Variants in TTC13 observed in about 807,000 individuals in gnomAD.
The protein encoded by TTC13 is tetratricopeptide repeat protein 13.
Under a neutral mutation model 120.0 loss-of-function variants are expected in TTC13, and 62 were observed. That is an observed-to-expected ratio of 0.52 (90% confidence interval 0.42 to 0.64). The LOEUF is 0.64. Ranked by LOEUF, TTC13 falls within the 30% of genes least tolerant of loss-of-function variation. TTC13 has a pLI of 0.00. For synonymous variants in TTC13, 384 were observed against 393.5 expected (o/e 0.98, Z 0.28); for missense variants, 824 against 1,050.2 (o/e 0.78, Z 2.98).
intron 18 of TTC13, among the ~76,000 whole-genome samples, chr1:230,914,044 GC>G (rs1273175848): frequency 6.6e-6 from 1 of 152,196 alleles, no homozygotes; most frequent in Non-Finnish European, 1.5e-5. Flanking sequence ...TTGGTGAAGT[GC>G]TGGTGAAGCA....
At position 230,937,570 on chromosome 1, in the gene TTC13, G is replaced by A. The variant is rs556473847; in HGVS notation, c.900+1816C>T. 4.6e-5 allele frequency among the ~76,000 whole-genome samples: 7 copies of A among 152,328 alleles called. No homozygotes were observed. In the East Asian group the frequency reaches 9.6e-4, roughly 21 times the overall value. On this transcript the variant is annotated intron_variant, in intron 8 of 22. Transcript: ENST00000366661. ...TCTCAAAGCCTGCGGCTGCCAGTCT[G>A]AATCCTGAGGGGAGAGAGAGGTCTT... is the stretch of plus-strand genomic sequence containing the variant.
At chr1:230,911,683 T>C (rs1671524374) in intron 19 of TTC13, 134 bp from the exon 20 acceptor site, 2 of 551,020 alleles carry the variant, frequency 3.6e-6, no homozygotes, top group Non-Finnish European at 6.1e-6. Context: ...GAATCTACTT[T>C]TCAAATTCTT....
rs1301425235 is a variant in TTC13 at position 230,942,233 on chromosome 1, T to C, written c.672+1573A>G. On this transcript the variant is annotated intron_variant, in intron 6 of 22. Coordinates refer to ENST00000366661, the MANE Select transcript of TTC13 (RefSeq NM_024525.5). This position sits in a 1 kb window ranked among gnomAD's most constrained non-coding sequence, Gnocchi z 4.0. ...GATTTTAACATAAACCAGAGTAATA[T>C]AGGGGAAAAAACATCAGTCCCCCCT... 2.0e-5 allele frequency among the ~76,000 whole-genome samples: 3 copies of C among 152,166 alleles called. No homozygotes were observed. Among genetic ancestry groups the C allele is most frequent in the African/African-American group, 4.8e-5 (2 of 41,450 alleles).
intron 12 of TTC13, among the ~76,000 whole-genome samples, chr1:230,926,829 C>T (rs1673094740): frequency 6.6e-6 from 1 of 152,182 alleles, no homozygotes; most frequent in Non-Finnish European, 1.5e-5. Flanking sequence ...TAGAGCAATT[C>T]ATGCAGTTGT....
chr1:230,908,353 A>G (rs1671141854), intron 22 of TTC13: 2 of 452,888 alleles, frequency 4.4e-6, no homozygotes, highest in South Asian at 1.6e-5. Context: ...ATGCCCAGCT[A>G]ATTTTAAATT....
At chr1:230,936,438 C>T (rs1206874637) in intron 8 of TTC13, 1 of 347,032 alleles carries the variant, frequency 2.9e-6, no homozygotes, top group African/African-American at 2.1e-5. Context: ...AGGCAACCAC[C>T]ACCCTAGGGC....
intron 3 of TTC13, among the ~76,000 whole-genome samples, chr1:230,954,799 A>C (rs974008607): frequency 1.3e-5 from 2 of 152,236 alleles, no homozygotes; most frequent in Non-Finnish European, 2.9e-5. Context: ...GTTATGAGAA[A>C]TACCCAAATA....
At chr1:230,947,410 C>G (rs964349181) in intron 4 of TTC13, among the ~76,000 whole-genome samples, 1 of 152,136 alleles carries the variant, frequency 6.6e-6, no homozygotes, top group African/African-American at 2.4e-5. Context: ...GAACCGAACC[C>G]TGGCCAGGCT....
At chr1:230,943,052 C>T (rs187599887) in intron 6 of TTC13, among the ~76,000 whole-genome samples, 12 of 152,330 alleles carry the variant, frequency 7.9e-5, no homozygotes, top group Admixed American at 6.5e-4. Flanking sequence ...TGCTTACACA[C>T]ATACACATCA....
rs1385750800 is a variant in TTC13, at chr1:230,944,842, T to C, written c.579+547A>G. Reference sequence around the variant, plus strand: ...GCTGAACTTACACCATTTCGTGATTTACTATATAATTTCAGGAGTCTTCAT... The same window carrying C: ...GCTGAACTTACACCATTTCGTGATTCACTATATAATTTCAGGAGTCTTCAT... On this transcript the variant is annotated intron_variant, in intron 5 of 22. Transcript: ENST00000366661. This position sits in a 1 kb window ranked among gnomAD's most constrained non-coding sequence, Gnocchi z 4.0. Among the ~76,000 whole-genome samples, 1 of 152,162 alleles carries C rather than the reference T, an allele frequency of 6.6e-6. No homozygotes were observed. The highest frequency in any genetic ancestry group is 2.4e-5 in the African/African-American group (1 of 41,430).
At chr1:230,912,398 T>C (rs972099399) in intron 19 of TTC13, among the ~76,000 whole-genome samples, 1 of 152,226 alleles carries the variant, frequency 6.6e-6, no homozygotes, top group African/African-American at 2.4e-5. Context: ...CCCAAACTTA[T>C]GATAATGTCA....
chr1:230,922,008 A>G (rs1462786911), intron 15 of TTC13, among the ~76,000 whole-genome samples: 1 of 152,104 alleles, frequency 6.6e-6, no homozygotes, highest in East Asian at 1.9e-4. Context: ...TTCAGCCAAC[A>G]TGCTGAGTCA....
chr1:230,929,957 T>C (rs1340447854), intron 11 of TTC13, among the ~76,000 whole-genome samples: 1 of 152,238 alleles, frequency 6.6e-6, no homozygotes, highest in Non-Finnish European at 1.5e-5. Flanking sequence ...TATTGGATAC[T>C]TAATGAGGCT....
intron 4 of TTC13, among the ~76,000 whole-genome samples, chr1:230,948,608 C>T (rs530971020): frequency 6.6e-6 from 1 of 152,090 alleles, no homozygotes; most frequent in South Asian, 2.1e-4. Context: ...CCACCTCAGC[C>T]TTTCAAGTAC....
intron 8 of TTC13, among the ~76,000 whole-genome samples, chr1:230,938,434 T>C (rs1674269470): frequency 6.6e-6 from 1 of 152,134 alleles, no homozygotes; most frequent in Non-Finnish European, 1.5e-5. Flanking sequence ...CCGCACAGAC[T>C]CGGAACATGG....
intron 9 of TTC13, among the ~76,000 whole-genome samples, chr1:230,932,785 G>C (rs1673672138): frequency 6.6e-6 from 1 of 152,082 alleles, no homozygotes; most frequent in Non-Finnish European, 1.5e-5. Context: ...AATCCTTCCT[G>C]AATAAGGTAC....
At chr1:230,956,632 A>G in intron 3 of TTC13, 1 of 334,880 alleles carries the variant, frequency 3.0e-6, no homozygotes, top group Non-Finnish European at 5.7e-6. Flanking sequence ...TTTGTACTTT[A>G]GGAACATATT....
chr1:230,946,424 G>A (rs1054351724), intron 4 of TTC13, among the ~76,000 whole-genome samples: 5 of 151,976 alleles, frequency 3.3e-5, no homozygotes, highest in African/African-American at 1.2e-4. Context: ...TGAGTAAATG[G>A]GAAAAAATAA....
chr1:230,914,374 A>G (rs1671806284), intron 18 of TTC13, among the ~76,000 whole-genome samples: 1 of 150,464 alleles, frequency 6.6e-6, no homozygotes, highest in Non-Finnish European at 1.5e-5. Flanking sequence ...ATACATAGTT[A>G]AGTATATTTT....
Sources: gnomAD v4.1 joint callset for allele counts (sites outside exome capture counted in the v4.1 genomes callset) on GRCh38, gnomAD v4.1.1 for gene constraint, Gnocchi (gnomAD v3.1) non-coding constraint, MANE v1.5 for transcripts, NCBI Gene and HGNC (gene_info 2026-07-23, HGNC 2026-07-21) for gene names.